Variants in SLC44A3 observed in about 807,000 individuals in gnomAD.
The protein encoded by SLC44A3 is choline transporter-like protein 3.
A neutral mutation model predicts 75.4 loss-of-function variants in SLC44A3; 74 were observed. The ratio of observed to expected loss-of-function variants is 0.98; its 90% confidence interval spans 0.81 to 1.19. The LOEUF is 1.19. Among genes scored for constraint, SLC44A3 ranks in the 50% most tolerant of loss-of-function variants. The probability of loss-of-function intolerance (pLI) is 0.00; values close to 1 mark genes in which losing one functional copy is unlikely to be tolerated. For missense variants in SLC44A3, 700 were observed against 778.6 expected (o/e 0.90, Z 1.20); for synonymous variants, 310 against 296.9 (o/e 1.04, Z -0.45).
chr1:94,823,626 A>C (rs555861837), intron 2 of SLC44A3, among the ~76,000 whole-genome samples: 2 of 152,370 alleles, frequency 1.3e-5, no homozygotes, highest in East Asian at 3.9e-4. Flanking sequence ...CAGAATGTCT[A>C]GAAGGTATTT....
Position 94,894,937 on chromosome 1 carries a change from A to T in SLC44A3, c.*15A>T. The T allele has an allele frequency of 6.3e-7, 1 of 1,584,874 alleles. No homozygotes were observed. The highest frequency in any genetic ancestry group is 8.6e-7 in the Non-Finnish European group (1 of 1,159,316). On this transcript the variant is annotated 3_prime_UTR_variant, in exon 15 of 15. Coordinates refer to ENST00000271227, the MANE Select transcript of SLC44A3 (RefSeq NM_001114106.3). ...TTGTGAGATAGATACCCATTTAGGT[A>T]TCTGTACCTGGAAAACATTTCCTTC...
intron 5 of SLC44A3, among the ~76,000 whole-genome samples, chr1:94,835,949 T>C (rs1038501445): frequency 2.0e-5 from 3 of 152,244 alleles, no homozygotes; most frequent in Non-Finnish European, 4.4e-5. Context: ...TTCAAAAATG[T>C]AATTACAAAA....
chr1:94,843,093 T>C (rs1023809276), intron 8 of SLC44A3: 1 of 152,454 alleles, frequency 6.6e-6, no homozygotes, highest in Non-Finnish European at 1.5e-5. Flanking sequence ...TTCCCCAGGC[T>C]GGGCATAGGG....
chr1:94,880,169 C>A (rs1243813605), intron 12 of SLC44A3, among the ~76,000 whole-genome samples: 1 of 152,116 alleles, frequency 6.6e-6, no homozygotes, highest in Non-Finnish European at 1.5e-5. Context: ...AGTTCTGTTC[C>A]TGAGTGTATA....
chr1:94,883,395 C>G (rs371957056), intron 12 of SLC44A3, among the ~76,000 whole-genome samples: 10 of 152,022 alleles, frequency 6.6e-5, no homozygotes, highest in Non-Finnish European at 1.5e-4. Context: ...TCCAGCTACT[C>G]GGGAGGCTGA....
chr1:94,844,335 T>TA (rs1280871104), intron 8 of SLC44A3, among the ~76,000 whole-genome samples: 4 of 152,200 alleles, frequency 2.6e-5, no homozygotes, highest in African/African-American at 9.7e-5. Context: ...ATCCACGGCC[T>TA]TGTCAATAAC....
At chr1:94,838,020 T>A in intron 6 of SLC44A3, 149 bp downstream of exon 6, 3 of 837,484 alleles carry the variant, frequency 3.6e-6, no homozygotes, top group Non-Finnish European at 5.2e-6. Flanking sequence ...CAGATTTAAG[T>A]GGGATGGGGG....
At chr1:94,875,312 G>A (rs1169512606) in intron 12 of SLC44A3, among the ~76,000 whole-genome samples, 4 of 152,192 alleles carry the variant, frequency 2.6e-5, no homozygotes, top group Non-Finnish European at 5.9e-5. Context: ...TTTAGAGCCA[G>A]GTTTTCACCA....
chr1:94,854,624 AACCGCAG>A (rs1049554402), intron 9 of SLC44A3, among the ~76,000 whole-genome samples: 2 of 152,210 alleles, frequency 1.3e-5, no homozygotes, highest in African/African-American at 2.4e-5. Context: ...CAGGCTCTGC[AACCGCAG>A]ACTCCGAGCT....
intron 11 of SLC44A3, among the ~76,000 whole-genome samples, chr1:94,865,177 T>C (rs1667015097): frequency 1.3e-5 from 2 of 152,182 alleles, no homozygotes; most frequent in African/African-American, 4.8e-5. Flanking sequence ...TGATTTTCCT[T>C]CTTATGTAAA....
At chr1:94,846,146 CAAA>C (rs66647106) in intron 9 of SLC44A3, among the ~76,000 whole-genome samples, 2 of 120,178 alleles carry the variant, frequency 1.7e-5, no homozygotes, top group Non-Finnish European at 3.4e-5. Context: ...GACTCTGTCT[CAAA>C]AAAAAAAAAA....
In SLC44A3 at chr1:94,892,499, T is replaced by C; in HGVS notation, c.1839T>C (p.Phe613=). ...TNDGSSEKPY[F]MDQEFLSFVK... ...ATGGATCGTCAGAAAAGCCCTACTTTATGGATCAAGAATTTCTGGTAAGCA... is the reference window on the plus strand; with the variant it reads ...ATGGATCGTCAGAAAAGCCCTACTTCATGGATCAAGAATTTCTGGTAAGCA... The change falls in exon 14 of 15, where the codon TTT becomes TTC. Residue 613 remains phenylalanine (F), a synonymous_variant. Coordinates refer to ENST00000271227, the MANE Select transcript of SLC44A3 (RefSeq NM_001114106.3). 6.2e-7 allele frequency: 1 copy of C among 1,614,006 alleles called. No individual in the cohort carries two copies. The highest frequency in any genetic ancestry group is 1.6e-4 in the Middle Eastern group (1 of 6,062).
At position 94,879,511 on chromosome 1, in the gene SLC44A3, G is replaced by A. The variant is rs569858449; in HGVS notation, c.1483-11619G>A. On this transcript the variant is annotated intron_variant, in intron 12 of 14. Transcript: ENST00000271227. ...CATGCCACTGCACTCCAGCCTGGGCGACAGAGCGAGACTCCGTCTCAAAAA... is the reference window on the plus strand; with the variant it reads ...CATGCCACTGCACTCCAGCCTGGGCAACAGAGCGAGACTCCGTCTCAAAAA... 3.5e-3 allele frequency among the ~76,000 whole-genome samples: 470 copies of A among 132,628 alleles called. 1 individual carries two copies. Among genetic ancestry groups the A allele is most frequent in the Non-Finnish European group, 4.1e-3 (261 of 63,492 alleles). 87.0% of individuals were successfully genotyped at this position (132,628 alleles called of 152,430 possible).
intron 5 of SLC44A3, among the ~76,000 whole-genome samples, chr1:94,835,088 A>G (rs959138643): frequency 6.6e-6 from 1 of 152,216 alleles, no homozygotes; most frequent in Non-Finnish European, 1.5e-5. Flanking sequence ...ATTAAGGGAC[A>G]TTTTACAAAA....
chr1:94,846,902 C>T (rs531324673), intron 9 of SLC44A3, among the ~76,000 whole-genome samples: 1 of 152,226 alleles, frequency 6.6e-6, no homozygotes, highest in Non-Finnish European at 1.5e-5. Flanking sequence ...TAAACTCAGT[C>T]CCCTTCCTTC....
intron 12 of SLC44A3, 144 bp from the exon 13 acceptor site, chr1:94,890,986 G>A (rs1670140952): frequency 3.4e-6 from 2 of 592,266 alleles, no homozygotes; most frequent in Non-Finnish European, 5.6e-6. Flanking sequence ...AATCAGACTG[G>A]AAAGGACTTT....
At chr1:94,887,906 G>GC (rs1466874880) in intron 12 of SLC44A3, among the ~76,000 whole-genome samples, 1 of 152,160 alleles carries the variant, frequency 6.6e-6, no homozygotes, top group East Asian at 1.9e-4. Flanking sequence ...GCAACTACAG[G>GC]CCCCTGCCAC....
chr1:94,820,614 G>T, intron 1 of SLC44A3, 136 bp downstream of exon 1: 1 of 1,368,678 alleles, frequency 7.3e-7, no homozygotes, highest in Non-Finnish European at 9.4e-7. Flanking sequence ...TAGTACCTTG[G>T]GGCCACCTGG....
At chr1:94,886,398 C>T (rs370840496) in intron 12 of SLC44A3, among the ~76,000 whole-genome samples, 2 of 152,248 alleles carry the variant, frequency 1.3e-5, no homozygotes, top group East Asian at 1.9e-4. Context: ...CCCCACCCAC[C>T]GAGGGCTGAC....
Sources: gnomAD v4.1 joint callset for allele counts (sites outside exome capture counted in the v4.1 genomes callset) on GRCh38, gnomAD v4.1.1 for gene constraint, MANE v1.5 for transcripts, NCBI Gene and HGNC (gene_info 2026-07-23, HGNC 2026-07-21) for gene names.